Variants in ELAVL2 observed in about 807,000 individuals in gnomAD.
ELAVL2 encodes the protein ELAV like RNA binding protein 2.
In ELAVL2, 4 loss-of-function variants were observed where a neutral mutation model predicts 34.6. The ratio of observed to expected loss-of-function variants is 0.12; its 90% CI spans 0.06 to 0.26. The LOEUF (loss-of-function observed/expected upper bound fraction) is 0.26, where lower values mean the gene tolerates loss of function less well. Among genes scored for constraint, ELAVL2 ranks in the 10% least tolerant of loss-of-function variants. The pLI is 1.00. For missense variants in ELAVL2, 432 were observed against 442.8 expected, an observed-to-expected ratio of 0.98 and a Z score of 0.22; for synonymous variants, 193 against 154.8, an observed-to-expected ratio of 1.25 and a Z score of -1.83.
chr9:23,799,828 T>C (rs1170015067), intron 1 of ELAVL2, among the ~76,000 whole-genome samples: 1 of 152,180 alleles, frequency 6.6e-6, no homozygotes, highest in South Asian at 2.1e-4. Context: ...GGGCTCTATT[T>C]ACCACTGAAA....
At chr9:23,778,825 T>A (rs1047964424) in intron 1 of ELAVL2, among the ~76,000 whole-genome samples, 1 of 152,134 alleles carries the variant, frequency 6.6e-6, no homozygotes, top group Non-Finnish European at 1.5e-5. Context: ...TCACTAAACA[T>A]CCTAATATGA....
rs370462776 is a variant in ELAVL2 at position 23,723,573 on chromosome 9, A to T, written c.333+7449T>A. On this transcript the variant is annotated intron_variant, in intron 3 of 6. Transcript: ENST00000397312. ...AAAACTTAAAGCATAATAATAATTTAAAAAAAAAAAAGAAAAGATTTTTGG... is the reference window on the plus strand; with the variant it reads ...AAAACTTAAAGCATAATAATAATTTTAAAAAAAAAAAGAAAAGATTTTTGG... Among the ~76,000 whole-genome samples the T allele has an allele frequency of 6.6e-3, 962 of 144,768 alleles. 8 individuals are homozygous for T. The highest frequency in any genetic ancestry group is 0.01 in the Non-Finnish European group (661 of 65,744). 95.0% of individuals were successfully genotyped at this position (144,768 alleles called of 152,430 possible).
chr9:23,744,983 T>A (rs1224774858), intron 2 of ELAVL2, among the ~76,000 whole-genome samples: 1 of 152,056 alleles, frequency 6.6e-6, no homozygotes, highest in African/African-American at 2.4e-5. Flanking sequence ...GGCTAGAGGA[T>A]CACTTAAGCT....
Position 23,771,322 on chromosome 9 carries a change from C to T in ELAVL2, c.-15-9073G>A, listed in dbSNP as rs867530024. ...TAACTGCTCACATTCCTACAAACCA[C>T]CAAAACATTTACTATGCTCTGGACA... On this transcript the variant is annotated intron_variant, in intron 1 of 6. Transcript: ENST00000397312. 2.0e-5 allele frequency among the ~76,000 whole-genome samples: 3 copies of T among 151,962 alleles called. No individual in the cohort carries two copies. The South Asian group carries it at 6.2e-4, about 32-fold the overall frequency.
chr9:23,719,636 CA>C (rs2043159454), intron 3 of ELAVL2, among the ~76,000 whole-genome samples: 1 of 151,904 alleles, frequency 6.6e-6, no homozygotes, highest in Admixed American at 6.6e-5. Flanking sequence ...TTGCATATAG[CA>C]AAAAATTTTT....
At chr9:23,700,208 A>G (rs920468034) in intron 5 of ELAVL2, among the ~76,000 whole-genome samples, 2 of 152,190 alleles carry the variant, frequency 1.3e-5, no homozygotes, top group Non-Finnish European at 2.9e-5. Context: ...ATTGATATGC[A>G]CTTGGAAATA....
In ELAVL2 at chr9:23,695,760, C is replaced by T. The variant is rs548732635; in HGVS notation, c.714-2274G>A. Among the ~76,000 whole-genome samples, 41 of 152,168 alleles carry T rather than the reference C, an allele frequency of 2.7e-4. No individual in the cohort carries two copies. The South Asian group carries it at 8.5e-3, about 32-fold the overall frequency. On this transcript the variant is annotated intron_variant, in intron 5 of 6. Coordinates refer to ENST00000397312, the MANE Select transcript of ELAVL2 (RefSeq NM_004432.5). ...TAAACATAGAAAAGGTAATGCATTG[C>T]ACAATATTAGGATGACTATGATATC...
intron 1 of ELAVL2, among the ~76,000 whole-genome samples, chr9:23,798,398 C>G (rs543830197): frequency 7.2e-5 from 11 of 152,222 alleles, no homozygotes; most frequent in African/African-American, 2.6e-4. Context: ...GGGCCTGTAA[C>G]TTAAATCACT....
chr9:23,717,375 T>C (rs937345796), intron 3 of ELAVL2, among the ~76,000 whole-genome samples: 1 of 152,338 alleles, frequency 6.6e-6, no homozygotes, highest in East Asian at 1.9e-4. Flanking sequence ...TTCATTCCTA[T>C]TGTTTCTCTT....
chr9:23,697,541 T>C (rs540318983), intron 5 of ELAVL2, among the ~76,000 whole-genome samples: 3 of 152,294 alleles, frequency 2.0e-5, no homozygotes, highest in East Asian at 1.9e-4. Flanking sequence ...CACACGCCCA[T>C]GTACATATGT....
intron 2 of ELAVL2, among the ~76,000 whole-genome samples, chr9:23,740,260 T>C (rs938588845): frequency 2.0e-5 from 3 of 152,146 alleles, no homozygotes; most frequent in Non-Finnish European, 4.4e-5. Context: ...ACTAGGATCC[T>C]TACATTACAT....
At chr9:23,840,811 A>C in the ELAVL2 span, among the ~76,000 whole-genome samples, 1 of 152,254 alleles carries the variant, frequency 6.6e-6, no homozygotes, top group African/African-American at 2.4e-5. Context: ...TTACTTAATC[A>C]GTTTTTTCAG....
chr9:23,774,213 CAAAAAAAAAAAAA>C (rs57247631), intron 1 of ELAVL2, among the ~76,000 whole-genome samples: 158 of 61,470 alleles, frequency 2.6e-3, no homozygotes, highest in Non-Finnish European at 3.7e-3. Context: ...GACTCCATCT[CAAAAAAAAAAAAA>C]AAAAAAAAAA....
intron 1 of ELAVL2, among the ~76,000 whole-genome samples, chr9:23,787,797 CA>C (rs1440227693): frequency 6.6e-6 from 1 of 152,110 alleles, no homozygotes; most frequent in Non-Finnish European, 1.5e-5. Context: ...GGATGAGAAC[CA>C]CTGTAAAAGA....
intron 2 of ELAVL2, among the ~76,000 whole-genome samples, chr9:23,733,215 C>T (rs905881558): frequency 6.6e-6 from 1 of 151,270 alleles, no homozygotes; most frequent in African/African-American, 2.4e-5. Context: ...AACCTGATCC[C>T]CGAATCCCAC....
chr9:23,765,564 G>A (rs1310527635), intron 1 of ELAVL2, among the ~76,000 whole-genome samples: 1 of 152,102 alleles, frequency 6.6e-6, no homozygotes, highest in Admixed American at 6.6e-5. Flanking sequence ...GACATTAAGA[G>A]AAGCTATATT....
At chr9:23,779,481 G>C (rs1459162485) in intron 1 of ELAVL2, 1 of 880,182 alleles carries the variant, frequency 1.1e-6, no homozygotes, top group Non-Finnish European at 1.4e-6. Flanking sequence ...CTTCCTTCTG[G>C]CTTCCTTAGA....
chr9:23,716,527 A>C (rs2042348760), intron 3 of ELAVL2, among the ~76,000 whole-genome samples: 1 of 152,180 alleles, frequency 6.6e-6, no homozygotes, highest in South Asian at 2.1e-4. Context: ...AATTTCACTT[A>C]AACTGTGACT....
At chr9:23,714,037 A>T (rs1391067494) in intron 3 of ELAVL2, among the ~76,000 whole-genome samples, 1 of 152,324 alleles carries the variant, frequency 6.6e-6, no homozygotes, top group South Asian at 2.1e-4. Context: ...ATTAGCAAAG[A>T]GCAGAGGAAC....
Sources: allele counts gnomAD v4.1 joint callset (sites outside exome capture counted in the v4.1 genomes callset), GRCh38; gene constraint gnomAD v4.1.1; transcripts MANE v1.5; gene names NCBI Gene and HGNC (gene_info 2026-07-23, HGNC 2026-07-21).